Variants in STXBP5L observed in about 807,000 individuals in gnomAD.
STXBP5L encodes the protein syntaxin-binding protein 5-like.
A neutral mutation model predicts 144.5 loss-of-function variants in STXBP5L; 65 were observed. The observed-to-expected ratio is 0.45, with a 90% CI of 0.37 to 0.55. STXBP5L has a LOEUF of 0.55. STXBP5L is among the 20% of genes least tolerant of loss of function. The pLI is 0.00. For synonymous variants in STXBP5L, 505 were observed against 469.6 expected (o/e 1.08, Z -0.97); for missense variants, 1,298 against 1,405.5 (o/e 0.92, Z 1.22).
chr3:121,096,440 G>A lies in STXBP5L; in HGVS notation c.471-18485G>A, dbSNP rs115544675. On this transcript the variant is annotated intron_variant, in intron 5 of 26. Coordinates refer to ENST00000471454, the MANE Select transcript of STXBP5L (RefSeq NM_001308330.2). ...TTCTTTCGTGGAGAAGAGGTGTTCTGGTTTTTGGAATTTTCAGCCACTTTG... is the reference window on the plus strand; with the variant it reads ...TTCTTTCGTGGAGAAGAGGTGTTCTAGTTTTTGGAATTTTCAGCCACTTTG... Among the ~76,000 whole-genome samples, 463 of 152,140 alleles carry A rather than the reference G, an allele frequency of 3.0e-3. 3 individuals carry two copies. Among genetic ancestry groups the A allele is most frequent in the African/African-American group, 0.01 (432 of 41,516 alleles).
At chr3:121,083,399 C>A (rs1336661183) in intron 5 of STXBP5L, among the ~76,000 whole-genome samples, 1 of 151,828 alleles carries the variant, frequency 6.6e-6, no homozygotes, top group Non-Finnish European at 1.5e-5. Context: ...CAGTGGCTCA[C>A]GCCTGTAATT....
intron 8 of STXBP5L, among the ~76,000 whole-genome samples, 164 bp downstream of exon 8, chr3:121,152,724 G>C (rs768484507): frequency 6.6e-6 from 1 of 152,110 alleles, no homozygotes; most frequent in Non-Finnish European, 1.5e-5. Flanking sequence ...TCCATCTCTA[G>C]ATTTTTCTTT....
chr3:121,161,185 G>A (rs2046311655), intron 9 of STXBP5L, among the ~76,000 whole-genome samples: 1 of 149,414 alleles, frequency 6.7e-6, no homozygotes, highest in African/African-American at 2.4e-5. Context: ...TAGTGGAAAT[G>A]AATTCACATA....
chr3:120,962,422 A>C (rs893351327), intron 3 of STXBP5L, among the ~76,000 whole-genome samples: 14 of 152,202 alleles, frequency 9.2e-5, no homozygotes, highest in Non-Finnish European at 4.4e-5. Context: ...CTCACATGTA[A>C]TTCTTTAATC....
intron 3 of STXBP5L, among the ~76,000 whole-genome samples, chr3:120,990,812 G>A (rs374503723): frequency 3.3e-5 from 5 of 151,974 alleles, no homozygotes; most frequent in Admixed American, 1.3e-4. Context: ...TTCCTTACAC[G>A]TTATACAAAA....
At position 121,157,563 on chromosome 3, in the gene STXBP5L, T is replaced by G; in HGVS notation, c.813T>G (p.Asp271Glu). The G allele has an allele frequency of 6.2e-7, 1 of 1,606,440 alleles. No individual in the cohort carries two copies. The highest frequency in any genetic ancestry group is 8.5e-7 in the Non-Finnish European group (1 of 1,177,004). Residue 271 changes from aspartate to glutamate, a missense_variant, in exon 9 of 27, where the codon GAT (aspartate) becomes GAG (glutamate). Coordinates refer to ENST00000471454, the MANE Select transcript of STXBP5L (RefSeq NM_001308330.2). ...EGKQFMCSHS[D>E]GSLTLWNLKS... Reference sequence around the variant, plus strand: ...AACAGTTCATGTGCAGCCATTCAGATGGTAGTTTGACTTTATGGAACCTGA... The same window carrying G: ...AACAGTTCATGTGCAGCCATTCAGAGGGTAGTTTGACTTTATGGAACCTGA...
rs1577419808 is a variant in STXBP5L, at chr3:121,310,086, A to T, written c.2111-8389A>T. On this transcript the variant is annotated intron_variant, in intron 19 of 26. Coordinates refer to ENST00000471454, the MANE Select transcript of STXBP5L (RefSeq NM_001308330.2). Reference sequence around the variant, plus strand: ...AAAAATCAATGAAGAAAGTCTTTTTAACAAATAATGGTGGAACAACTGGGC... The same window carrying T: ...AAAAATCAATGAAGAAAGTCTTTTTTACAAATAATGGTGGAACAACTGGGC... 2.0e-5 allele frequency among the ~76,000 whole-genome samples: 3 copies of T among 152,358 alleles called. No individual in the cohort carries two copies. In the East Asian group the frequency reaches 5.8e-4, roughly 29 times the overall value.
At chr3:121,276,096 GC>G (rs2050875213) in intron 18 of STXBP5L, among the ~76,000 whole-genome samples, 1 of 142,150 alleles carries the variant, frequency 7.0e-6, no homozygotes, top group Non-Finnish European at 1.5e-5. Flanking sequence ...CTTTTTCTCT[GC>G]CTTCTTCTCA....
Position 121,344,645 on chromosome 3 carries a change from A to G in STXBP5L, c.2176+26105A>G, listed in dbSNP as rs542125722. ...ATACAAATACAATAGTGTAATTTTA[A>G]AAATTGAAATATAGGAGGCAAAGAG... is the stretch of plus-strand genomic sequence containing the variant. On this transcript the variant is annotated intron_variant, in intron 20 of 26. Coordinates refer to ENST00000471454, the MANE Select transcript of STXBP5L (RefSeq NM_001308330.2). Among the ~76,000 whole-genome samples the G allele has an allele frequency of 2.6e-5, 4 of 152,228 alleles. No homozygotes were observed. In the South Asian group the frequency reaches 8.3e-4, roughly 32 times the overall value.
intron 2 of STXBP5L, among the ~76,000 whole-genome samples, chr3:120,953,485 T>C (rs890727417): frequency 6.6e-6 from 1 of 150,560 alleles, no homozygotes; most frequent in Non-Finnish European, 1.5e-5. Context: ...TGCGCCATCA[T>C]GCCTGGTGAA....
chr3:121,071,767 C>T (rs553354563), intron 5 of STXBP5L, among the ~76,000 whole-genome samples: 1 of 152,296 alleles, frequency 6.6e-6, no homozygotes, highest in South Asian at 2.1e-4. Context: ...TATGGCCTCA[C>T]CTAAGGCTTG....
intron 18 of STXBP5L, among the ~76,000 whole-genome samples, chr3:121,277,583 T>C (rs1372015044): frequency 6.6e-6 from 1 of 152,042 alleles, no homozygotes; most frequent in Non-Finnish European, 1.5e-5. Flanking sequence ...TTCCATCTGC[T>C]AGTTTTATCA....
chr3:121,006,003 T>G (rs1397066776), intron 3 of STXBP5L, among the ~76,000 whole-genome samples: 1 of 152,184 alleles, frequency 6.6e-6, no homozygotes, highest in Non-Finnish European at 1.5e-5. Flanking sequence ...AGGTATGGTG[T>G]GGTGCTGAAA....
At chr3:121,418,938 C>A in intron 26 of STXBP5L, 118 bp from the exon 27 acceptor site, 1 of 1,034,992 alleles carries the variant, frequency 9.7e-7, no homozygotes, top group Non-Finnish European at 1.4e-6. Context: ...TAAAAGAAGC[C>A]ACTCAGTTTG....
intron 9 of STXBP5L, among the ~76,000 whole-genome samples, chr3:121,168,107 A>G (rs1389280989): frequency 6.6e-6 from 1 of 152,214 alleles, no homozygotes; most frequent in Non-Finnish European, 1.5e-5. Context: ...CTTAGAAGGA[A>G]AACTGACAAA....
Position 121,107,932 on chromosome 3 carries a change from C to A in STXBP5L, c.471-6993C>A, listed in dbSNP as rs1290290486. On this transcript the variant is annotated intron_variant, in intron 5 of 26. Transcript: ENST00000471454. ...TCTCCTTGAAGAGCTCCTTGACATC[C>A]ATTGTTAGCTGTATTCCTAGTTATT... 2.6e-4 allele frequency among the ~76,000 whole-genome samples: 40 copies of A among 152,126 alleles called. 1 individual carries two copies. Among genetic ancestry groups the A allele is most frequent in the Admixed American group, 2.6e-3 (40 of 15,272 alleles).
At chr3:121,021,337 C>G (rs112310672) in intron 3 of STXBP5L, among the ~76,000 whole-genome samples, 3 of 152,176 alleles carry the variant, frequency 2.0e-5, no homozygotes, top group East Asian at 3.9e-4. Context: ...TAATACTCTA[C>G]TGATAGTACT....
chr3:120,922,632 T>C (rs1208636333), intron 2 of STXBP5L, among the ~76,000 whole-genome samples: 1 of 152,034 alleles, frequency 6.6e-6, no homozygotes, highest in Non-Finnish European at 1.5e-5. Context: ...TTTTGAGGTA[T>C]GTTTTTTTCT....
At chr3:121,147,060 ATAAT>A (rs1304392295) in intron 7 of STXBP5L, among the ~76,000 whole-genome samples, 2 of 152,088 alleles carry the variant, frequency 1.3e-5, no homozygotes, top group Non-Finnish European at 1.5e-5. Flanking sequence ...AAACAAAGAA[ATAAT>A]TAGTGTGGAT....
Sources: allele counts gnomAD v4.1 joint callset (sites outside exome capture counted in the v4.1 genomes callset), GRCh38; gene constraint gnomAD v4.1.1; transcripts MANE v1.5; gene names NCBI Gene and HGNC (gene_info 2026-07-23, HGNC 2026-07-21).